Variants in PIP5KL1 observed in about 807,000 individuals in gnomAD.
PIP5KL1 encodes the protein phosphatidylinositol-4-phosphate 5-kinase like 1.
PIP5KL1 carries 45 observed loss-of-function variants against 47.6 expected under a neutral mutation model. The observed-to-expected ratio is 0.94, with a 90% confidence interval of 0.74 to 1.21. PIP5KL1 has a LOEUF of 1.21. PIP5KL1 is among the 50% of genes most tolerant of loss of function. PIP5KL1 has a pLI of 0.00. For synonymous variants in PIP5KL1, 256 were observed against 234.6 expected, an observed-to-expected ratio of 1.09 and a Z score of -0.84; for missense variants, 577 against 547.6, an observed-to-expected ratio of 1.05 and a Z score of -0.54.
Position 127,925,225 on chromosome 9 carries a change from G to A in PIP5KL1, c.799C>T (p.Leu267=), listed in dbSNP as rs774802766. 6.8e-6 allele frequency: 11 copies of A among 1,613,674 alleles called. No homozygotes were observed. Among genetic ancestry groups the A allele is most frequent in the Non-Finnish European group, 3.4e-6 (4 of 1,180,042 alleles). ...QRSWFLRQME[L]DTTFLRELNV... ...AGCTCCCGGAGGAAGGTGGTATCCA[G>A]TTCCATCTGGCGGAGGAACCAGCTC... The change falls in exon 9 of 10, where the codon CTG becomes TTG. Residue 267 remains leucine (L), a synonymous_variant. Transcript: ENST00000388747.
Position 127,929,322 on chromosome 9 carries a change from G to A in PIP5KL1, c.228+366C>T, listed in dbSNP as rs993688887. ...CCTGCCTCAGCCTGAGCTCCAGAGA[G>A]GATGGGCTAGGCCAGCAGGGTGGGG... On this transcript the variant is annotated intron_variant, in intron 2 of 9. Coordinates refer to ENST00000388747, the MANE Select transcript of PIP5KL1 (RefSeq NM_001135219.2). This position sits in a 1 kb window ranked among gnomAD's most constrained non-coding sequence, Gnocchi z 4.0. Among the ~76,000 whole-genome samples, 5 of 152,116 alleles carry A rather than the reference G, an allele frequency of 3.3e-5. No homozygotes were observed. Among genetic ancestry groups the A allele is most frequent in the African/African-American group, 1.2e-4 (5 of 41,422 alleles).
Position 127,921,683 on chromosome 9 carries a change from G to C in PIP5KL1, c.*164C>G. ...GAGTCCTTGGCACGATGCTGGGCAC[G>C]GCACCACCGTCAAACGGGACTGCGC... is the stretch of plus-strand genomic sequence containing the variant. On this transcript the variant is annotated 3_prime_UTR_variant, in exon 10 of 10. Coordinates refer to ENST00000388747, the MANE Select transcript of PIP5KL1 (RefSeq NM_001135219.2). 1.0e-6 allele frequency: 1 copy of C among 965,672 alleles called. No individual in the cohort carries two copies. The highest frequency in any genetic ancestry group is 1.5e-6 in the Non-Finnish European group (1 of 671,930). The allele number at this position is 965,672 out of a possible 1,614,324, so 59.8% of individuals were successfully genotyped here. A position where few individuals can be genotyped will look rare whatever the true frequency, so the allele number is the denominator to read the frequency against.
chr9:127,924,387 G>A (rs1831329207), intron 9 of PIP5KL1, among the ~76,000 whole-genome samples: 1 of 152,038 alleles, frequency 6.6e-6, no homozygotes, highest in South Asian at 2.1e-4. Context: ...CTACTCAGGA[G>A]GCTGAGGCAG....
rs1319754377 is a variant in PIP5KL1, at chr9:127,930,756, C to T, written c.-4G>A. ...GCCCCGGGCTCGGCGCAGCCATCGCCCCCGCAGCAGCTTCCCGGGCTTTGG... is the reference window on the plus strand; with the variant it reads ...GCCCCGGGCTCGGCGCAGCCATCGCTCCCGCAGCAGCTTCCCGGGCTTTGG... On this transcript the variant is annotated 5_prime_UTR_variant, in exon 1 of 10. Transcript: ENST00000388747. The T allele has an allele frequency of 1.9e-6, 3 of 1,549,766 alleles. No homozygotes were observed. The highest frequency in any genetic ancestry group is 2.6e-6 in the Non-Finnish European group (3 of 1,152,000).
In PIP5KL1 at chr9:127,927,736, G is replaced by A; in HGVS notation, c.471C>T (p.Arg157=). 4 of 1,556,314 alleles carry A rather than the reference G, an allele frequency of 2.6e-6. No homozygotes were observed. The highest frequency in any genetic ancestry group is 3.5e-6 in the Non-Finnish European group (4 of 1,151,256). The change falls in exon 5 of 10, where the codon CGC becomes CGT. Residue 157 remains arginine, a synonymous_variant. Transcript: ENST00000388747. This position sits in a 1 kb window ranked among gnomAD's most constrained non-coding sequence, Gnocchi z 5.5. ...DQRFFLKTQG[R]REVQALLAHL... is the part of the protein sequence containing the mutation. ...GGGCGAGCAGAGCCTGCACCTCTCG[G>A]CGCCCCTGGGTCTTCAGGAAGAAGC...
intron 9 of PIP5KL1, among the ~76,000 whole-genome samples, chr9:127,924,146 A>C (rs1831326286): frequency 6.6e-6 from 1 of 152,238 alleles, no homozygotes; most frequent in Non-Finnish European, 1.5e-5. Context: ...AGACAGACAA[A>C]TCTCTTGGTC....
At position 127,929,768 on chromosome 9, in the gene PIP5KL1, GC is replaced by G. The variant is rs1564139221; in HGVS notation, c.147del (p.His50MetfsTer6). The G allele has an allele frequency of 6.4e-7, 1 of 1,570,494 alleles. No individual in the cohort carries two copies. Among genetic ancestry groups the G allele is most frequent in the South Asian group, 1.2e-5 (1 of 85,482 alleles). Reference protein sequence around the residue: ...SRLGLFEISPGHELHGMTCMM... With the variant: ...SRLGLFEISPXHELHGMTCMM... ...ATGCACGTCATCCCATGCAGTTCAT[GC>G]CCCGGGCTGATCTCAAACAGGCCCA... On this transcript the variant is annotated frameshift_variant, in exon 2 of 10. Coordinates refer to ENST00000388747, the MANE Select transcript of PIP5KL1 (RefSeq NM_001135219.2). LOFTEE classifies it high-confidence loss of function. The surrounding 1 kb of genome is among the most constrained non-coding windows in gnomAD (Gnocchi z 4.0).
At chr9:127,928,337 G>C in intron 3 of PIP5KL1, 96 bp downstream of exon 3, 1 of 1,539,770 alleles carries the variant, frequency 6.5e-7, no homozygotes. Context: ...AAGTCTCAGG[G>C]ACAAGCCTTC....
chr9:127,927,139 C>T lies in PIP5KL1; in HGVS notation c.650+14G>A, dbSNP rs1308649640. ...CGGCTGGGATGGGGGCCCAAACCTG[C>T]TTAGGCCACTCACCTCTCGGAGATG... is the stretch of plus-strand genomic sequence containing the variant. On this transcript the variant is annotated intron_variant, in intron 7 of 9. Coordinates refer to ENST00000388747, the MANE Select transcript of PIP5KL1 (RefSeq NM_001135219.2). This position sits in a 1 kb window ranked among gnomAD's most constrained non-coding sequence, Gnocchi z 5.5. 1.9e-6 allele frequency: 3 copies of T among 1,606,032 alleles called. No individual in the cohort carries two copies. The highest frequency in any genetic ancestry group is 2.6e-6 in the Non-Finnish European group (3 of 1,175,192).
At chr9:127,926,908 A>G (rs1831369961) in intron 7 of PIP5KL1, among the ~76,000 whole-genome samples, 2 of 152,200 alleles carry the variant, frequency 1.3e-5, no homozygotes, top group Non-Finnish European at 2.9e-5. Flanking sequence ...GAAGGAGGAT[A>G]AGAGCTGCCC....
At position 127,927,145 on chromosome 9, in the gene PIP5KL1, C is replaced by T. The variant is rs1234898367; in HGVS notation, c.650+8G>A. On this transcript the variant is annotated splice_region_variant and intron_variant, in intron 7 of 9. Coordinates refer to ENST00000388747, the MANE Select transcript of PIP5KL1 (RefSeq NM_001135219.2). The surrounding 1 kb of genome is among the most constrained non-coding windows in gnomAD (Gnocchi z 5.5). ...GGATGGGGGCCCAAACCTGCTTAGG[C>T]CACTCACCTCTCGGAGATGCGGCCG... 1 of 1,607,874 alleles carries T rather than the reference C, an allele frequency of 6.2e-7. No homozygotes were observed. Among genetic ancestry groups the T allele is most frequent in the Non-Finnish European group, 8.5e-7 (1 of 1,176,256 alleles).
chr9:127,925,291 G>T (rs775245693), intron 8 of PIP5KL1, 31 bp from the exon 9 acceptor site: 18 of 1,604,846 alleles, frequency 1.1e-5, no homozygotes, highest in Non-Finnish European at 1.4e-5. Context: ...CCACCTGAGC[G>T]CTCATCATGT....
intron 2 of PIP5KL1, 87 bp from the exon 3 acceptor site, chr9:127,928,570 T>TC: frequency 7.6e-7 from 1 of 1,308,534 alleles, no homozygotes; most frequent in Non-Finnish European, 1.0e-6. Context: ...ACCTGGCCCG[T>TC]CCCCCACCTC....
Position 127,928,055 on chromosome 9 carries a change from G to A in PIP5KL1, c.434+10C>T, listed in dbSNP as rs767099975. The stretch of plus-strand genomic sequence containing the variant: ...CTCCCACCCCTGCCCCACCCCTGCC[G>A]CAAGCTCACGACAGGAAGAAGCTGG... On this transcript the variant is annotated intron_variant, in intron 4 of 9. Coordinates refer to ENST00000388747, the MANE Select transcript of PIP5KL1 (RefSeq NM_001135219.2). 2.8e-6 allele frequency: 3 copies of A among 1,060,406 alleles called. No homozygotes were observed. The highest frequency in any genetic ancestry group is 7.4e-5 in the East Asian group (2 of 26,860). 65.7% of individuals were successfully genotyped at this position (1,060,406 alleles called of 1,614,324 possible).
chr9:127,929,437 G>A lies in PIP5KL1; in HGVS notation c.228+251C>T, dbSNP rs1336297195. Among the ~76,000 whole-genome samples, 1 of 151,970 alleles carries A rather than the reference G, an allele frequency of 6.6e-6. No homozygotes were observed. Among genetic ancestry groups the A allele is most frequent in the Non-Finnish European group, 1.5e-5 (1 of 67,984 alleles). On this transcript the variant is annotated intron_variant, in intron 2 of 9. Coordinates refer to ENST00000388747, the MANE Select transcript of PIP5KL1 (RefSeq NM_001135219.2). This position sits in a 1 kb window ranked among gnomAD's most constrained non-coding sequence, Gnocchi z 4.0. ...TAATCTCCCCCCATTATACAGATGG[G>A]GACACTGAGGCCCAGAGAGAGGCAG...
chr9:127,923,780 A>G (rs1359010785), intron 9 of PIP5KL1, among the ~76,000 whole-genome samples: 1 of 152,194 alleles, frequency 6.6e-6, no homozygotes, highest in Non-Finnish European at 1.5e-5. Context: ...CTTAGCTCCT[A>G]TGTAATTCTG....
Position 127,928,466 on chromosome 9 carries a change from G to T in PIP5KL1, c.246C>A (p.Asp82Glu). The T allele has an allele frequency of 6.3e-7, 1 of 1,597,996 alleles. No individual in the cohort carries two copies. The highest frequency in any genetic ancestry group is 8.5e-7 in the Non-Finnish European group (1 of 1,173,870). The change falls in exon 3 of 10, where the codon GAC becomes GAA. Residue 82 changes from aspartate (D) to glutamate (E), a missense_variant. Coordinates refer to ENST00000388747, the MANE Select transcript of PIP5KL1 (RefSeq NM_001135219.2). ...DHPPTGPPSRDDFSEVLTQVH... is the reference protein window; with the variant it reads ...DHPPTGPPSREDFSEVLTQVH... Reference sequence around the variant, plus strand: ...CCTGGGTTAGGACCTCCGAGAAATCGTCCCGGGAGGGCGGCCCCTGCAGGG... The same window carrying T: ...CCTGGGTTAGGACCTCCGAGAAATCTTCCCGGGAGGGCGGCCCCTGCAGGG...
intron 2 of PIP5KL1, chr9:127,928,897 A>G (rs1157969809): frequency 4.5e-6 from 1 of 220,174 alleles, no homozygotes; most frequent in Non-Finnish European, 9.1e-6. Flanking sequence ...GAGACCTCTA[A>G]GCTGAAATCT....
chr9:127,924,293 C>T (rs564532198), intron 9 of PIP5KL1, among the ~76,000 whole-genome samples: 2 of 152,152 alleles, frequency 1.3e-5, no homozygotes, highest in East Asian at 3.9e-4. Context: ...AGTTCAAGAC[C>T]AGCGTGGCCA....
Sources: gnomAD v4.1 joint callset for allele counts (sites outside exome capture counted in the v4.1 genomes callset) on GRCh38, gnomAD v4.1.1 for gene constraint, Gnocchi (gnomAD v3.1) non-coding constraint, MANE v1.5 for transcripts, NCBI Gene and HGNC (gene_info 2026-07-23, HGNC 2026-07-21) for gene names.